The following P2RY10 variants were observed in gnomAD, a reference collection of about 807,000 sequenced individuals.
The protein encoded by P2RY10 is putative P2Y purinoceptor 10.
Under a neutral mutation model 12.1 loss-of-function variants are expected in P2RY10, and 4 were observed. The observed-to-expected ratio is 0.33, with a 90% CI of 0.16 to 0.76. The LOEUF (loss-of-function observed/expected upper bound fraction) is 0.76. Ranked by LOEUF, P2RY10 falls within the 30% of genes least tolerant of loss-of-function variation. P2RY10 has a pLI of 0.61. For synonymous variants in P2RY10, 112 were observed against 94.1 expected (o/e 1.19, Z -1.10); for missense variants, 233 against 264.6 (o/e 0.88, Z 0.83).
intron 2 of P2RY10, among the ~76,000 whole-genome samples, chrX:78,951,150 T>C (rs2147265569): frequency 8.9e-6 from 1 of 111,994 alleles, no homozygotes; most frequent in Admixed American, 9.5e-5. Flanking sequence ...TAGTATCTAG[T>C]AAGATTTTGG....
Position 78,947,883 on chromosome X carries a change from T to TA in P2RY10, c.-157+25dup. On this transcript the variant is annotated intron_variant, in intron 2 of 3. Coordinates refer to ENST00000171757, the MANE Select transcript of P2RY10 (RefSeq NM_014499.4). ...TGCTTTGTAAGTAATTTCCCTTTTT[T>TA]AAAAATGAGAAAATGCAAGACAAAA... The TA allele has an allele frequency of 1.6e-6, 1 of 636,669 alleles. No individual in the cohort carries two copies. The allele number at this position is 636,669 out of a possible 1,213,427, so 52.5% of individuals were successfully genotyped here.
intron 1 of P2RY10, among the ~76,000 whole-genome samples, chrX:78,946,652 C>G (rs759707336): frequency 4.4e-4 from 49 of 112,377 alleles, no homozygotes; most frequent in Middle Eastern, 4.6e-3. Flanking sequence ...GTAAAATTAA[C>G]CACTTATGAA....
intron 1 of P2RY10, among the ~76,000 whole-genome samples, chrX:78,947,129 C>T (rs1168671544): frequency 9.1e-6 from 1 of 110,113 alleles, no homozygotes; most frequent in Non-Finnish European, 1.9e-5. Flanking sequence ...GCTGGAGAAT[C>T]GCTCGAAACC....
chrX:78,951,340 A>G (rs1212522808), intron 2 of P2RY10, among the ~76,000 whole-genome samples: 1 of 112,099 alleles, frequency 8.9e-6, no homozygotes, highest in Non-Finnish European at 1.9e-5. Flanking sequence ...AGGTGTTCAG[A>G]TTTCTTAGAC....
chrX:78,953,596 G>T (rs1429858811), intron 3 of P2RY10, among the ~76,000 whole-genome samples: 1 of 111,877 alleles, frequency 8.9e-6, no homozygotes, highest in Non-Finnish European at 1.9e-5. Flanking sequence ...GACTCCTCAA[G>T]CAGTCTTCAA....
chrX:78,955,265 T>C (rs2147268785), intron 3 of P2RY10, among the ~76,000 whole-genome samples: 1 of 72,060 alleles, frequency 1.4e-5, no homozygotes, highest in Admixed American at 1.7e-4. Flanking sequence ...GTTACCCCTA[T>C]GGGGACCATA....
At position 78,952,246 on chromosome X, in the gene P2RY10, C is replaced by T. The variant is rs181238057; in HGVS notation, c.-103C>T. On this transcript the variant is annotated 5_prime_UTR_variant, in exon 3 of 4. Coordinates refer to ENST00000171757, the MANE Select transcript of P2RY10 (RefSeq NM_014499.4). ...CAGGATTTGGCACTCACCAACATAC[C>T]CTTCTTTCAAGTGAAAAGGCATCTC... 1 of 746,704 alleles carries T rather than the reference C, an allele frequency of 1.3e-6. No homozygotes were observed. 61.5% of individuals were successfully genotyped at this position (746,704 alleles called of 1,213,427 possible).
Position 78,961,130 on chromosome X carries a change from C to A in P2RY10, c.610C>A (p.Leu204Ile). The change falls in exon 4 of 4, where the codon CTT becomes ATT. Residue 204 changes from leucine (L) to isoleucine (I), a missense_variant. Leu to Ile is a conservative substitution (Grantham distance 5). Transcript: ENST00000171757. Reference protein sequence around the residue: ...ALVGMITVAELAGFVIPVIII... With the variant: ...ALVGMITVAEIAGFVIPVIII... ...GGTCGGGATGATTACAGTTGCTGAGCTTGCAGGATTTGTGATCCCAGTGAT... is the reference window on the plus strand; with the variant it reads ...GGTCGGGATGATTACAGTTGCTGAGATTGCAGGATTTGTGATCCCAGTGAT... 8.3e-7 allele frequency: 1 copy of A among 1,211,231 alleles called. No homozygotes were observed.
chrX:78,963,652 C>CT lies in P2RY10; in HGVS notation c.*2121dup, dbSNP rs1359986746. On this transcript the variant is annotated 3_prime_UTR_variant, in exon 4 of 4. Coordinates refer to ENST00000171757, the MANE Select transcript of P2RY10 (RefSeq NM_014499.4). Reference sequence around the variant, plus strand: ...CTACCATTTAAGTGGAATCTTTGAACTTTTTTTTTGACATGTGAATCTCTA... The same window carrying CT: ...CTACCATTTAAGTGGAATCTTTGAACTTTTTTTTTTGACATGTGAATCTCTA... 1.9e-4 allele frequency among the ~76,000 whole-genome samples: 21 copies of CT among 111,192 alleles called. No homozygotes were observed. The East Asian group carries it at 5.3e-3, about 28-fold the overall frequency.
intron 3 of P2RY10, among the ~76,000 whole-genome samples, chrX:78,960,207 T>G (rs1169246445): frequency 8.9e-6 from 1 of 112,384 alleles, no homozygotes; most frequent in Non-Finnish European, 1.9e-5. Flanking sequence ...AATTCTATGC[T>G]GTTTTTGCTG....
rs769579050 is a variant in P2RY10, at chrX:78,960,701, C to T, written c.181C>T (p.Arg61Cys). The change falls in exon 4 of 4, where the codon CGC becomes TGC. Residue 61 changes from arginine (R) to cysteine (C), a missense_variant. Arg to Cys is a radical substitution (Grantham distance 180). Transcript: ENST00000171757. ...CAGTGCAGCCTTGTGGGTTCTGTGCCGCTTCATCAGCAAGAAAAATAAAGC... is the reference window on the plus strand; with the variant it reads ...CAGTGCAGCCTTGTGGGTTCTGTGCTGCTTCATCAGCAAGAAAAATAAAGC... ...ANSAALWVLC[R>C]FISKKNKAII... 4.1e-6 allele frequency: 5 copies of T among 1,208,278 alleles called. No homozygotes were observed. Among genetic ancestry groups the T allele is most frequent in the African/African-American group, 3.5e-5 (2 of 56,990 alleles).
chrX:78,962,913 A>G lies in P2RY10; in HGVS notation c.*1373A>G, dbSNP rs1413818080. On this transcript the variant is annotated 3_prime_UTR_variant, in exon 4 of 4. Transcript: ENST00000171757. ...ATTTGTTTTTTAGAAACTTTTAAGA[A>G]GATTTCTGTGAGCGTAATTGACAAT... Among the ~76,000 whole-genome samples, 2 of 112,301 alleles carry G rather than the reference A, an allele frequency of 1.8e-5. No individual in the cohort carries two copies. Among genetic ancestry groups the G allele is most frequent in the African/African-American group, 3.2e-5 (1 of 30,950 alleles).
In P2RY10 at chrX:78,961,891, T is replaced by C; in HGVS notation, c.*351T>C. 6.9e-6 allele frequency: 1 copy of C among 144,486 alleles called. No individual in the cohort carries two copies. Among genetic ancestry groups the C allele is most frequent in the Non-Finnish European group, 1.5e-5 (1 of 67,774 alleles). 11.9% of individuals were successfully genotyped at this position (144,486 alleles called of 1,213,427 possible). On this transcript the variant is annotated 3_prime_UTR_variant, in exon 4 of 4. Coordinates refer to ENST00000171757, the MANE Select transcript of P2RY10 (RefSeq NM_014499.4). ...ATAATGCACAGTAAATATGTGAATT[T>C]TTCCTAGATGTAAAAAAAAAAATCT...
Position 78,962,236 on chromosome X carries a change from C to T in P2RY10, c.*696C>T, listed in dbSNP as rs947807236. On this transcript the variant is annotated 3_prime_UTR_variant, in exon 4 of 4. Coordinates refer to ENST00000171757, the MANE Select transcript of P2RY10 (RefSeq NM_014499.4). ...GTGAGATTTTGGTGCAGCCATCACC[C>T]GAGCAGTATACACTGCACCACATTT... Among the ~76,000 whole-genome samples, 3 of 110,624 alleles carry T rather than the reference C, an allele frequency of 2.7e-5. No individual in the cohort carries two copies. The highest frequency in any genetic ancestry group is 6.6e-5 in the African/African-American group (2 of 30,319).
chrX:78,946,319 C>A (rs1395535018), intron 1 of P2RY10, among the ~76,000 whole-genome samples: 2 of 111,560 alleles, frequency 1.8e-5, no homozygotes, highest in African/African-American at 6.5e-5. Flanking sequence ...GATAGCAAAG[C>A]CCATGAGTGA....
rs373749514 is a variant in P2RY10, at chrX:78,961,294, C to T, written c.774C>T (p.Pro258=). 1.2e-5 allele frequency: 15 copies of T among 1,207,241 alleles called. No individual in the cohort carries two copies. In the African/African-American group the frequency reaches 2.6e-4, roughly 21 times the overall value. ...CAGTCTTCTTCATCTGCTTCACTCC[C>T]TATCATATTAACTTTATTTTTTACA... is the stretch of plus-strand genomic sequence containing the variant. ...CAAVFFICFT[P]YHINFIFYTM... Residue 258 remains proline, a synonymous_variant, in exon 4 of 4, where the codon CCC becomes CCT. Transcript: ENST00000171757.
At chrX:78,955,291 C>CA (rs201850795) in intron 3 of P2RY10, among the ~76,000 whole-genome samples, 1 of 104 alleles carries the variant, frequency 9.6e-3, no homozygotes, top group African/African-American at 0.048. Flanking sequence ...TTGGCCCTCT[C>CA]AAGGTTGCTA....
intron 2 of P2RY10, among the ~76,000 whole-genome samples, chrX:78,948,621 C>T (rs1052491271): frequency 9.0e-6 from 1 of 111,185 alleles, no homozygotes. Flanking sequence ...CCTGTCTCAC[C>T]CACCCTCTTC....
rs762959878 is a variant in P2RY10 at position 78,961,585 on chromosome X, T to G, written c.*45T>G. 4 of 1,001,100 alleles carry G rather than the reference T, an allele frequency of 4.0e-6. No individual in the cohort carries two copies. The highest frequency in any genetic ancestry group is 2.8e-5 in the Admixed American group (1 of 35,312). The allele number at this position is 1,001,100 out of a possible 1,213,427, so 82.5% of individuals were successfully genotyped here. A position where few individuals can be genotyped will look rare whatever the true frequency, so the allele number is the denominator to read the frequency against. ...TTACGCCTTTGTTTACCTACGTTCCTTGTCTTTTTCCAAAGGCCAGAATTG... is the reference window on the plus strand; with the variant it reads ...TTACGCCTTTGTTTACCTACGTTCCGTGTCTTTTTCCAAAGGCCAGAATTG... On this transcript the variant is annotated 3_prime_UTR_variant, in exon 4 of 4. Transcript: ENST00000171757.
Sources: gnomAD v4.1 joint callset for allele counts (sites outside exome capture counted in the v4.1 genomes callset) on GRCh38, gnomAD v4.1.1 for gene constraint, MANE v1.5 for transcripts, NCBI Gene and HGNC (gene_info 2026-07-23, HGNC 2026-07-21) for gene names.